RYR2: variants seen among roughly 807,000 people sequenced by gnomAD.
The protein encoded by RYR2 is ryanodine receptor 2.
In RYR2, 227 loss-of-function variants were observed where a neutral mutation model predicts 601.1. That is an observed-to-expected ratio of 0.38 (90% CI 0.34 to 0.42). The LOEUF (loss-of-function observed/expected upper bound fraction) is 0.42, where lower values mean the gene tolerates loss of function less well. Among genes scored for constraint, RYR2 ranks in the 10% least tolerant of loss-of-function variants. The pLI, the probability that RYR2 is intolerant of heterozygous loss-of-function variation, is 1.00. For missense variants in RYR2, 4,646 were observed against 6,156.5 expected (o/e 0.75, Z 8.21); for synonymous variants, 2,223 against 2,175.1 (o/e 1.02, Z -0.61).
At chr1:237,604,199 G>C (rs1559098533) in intron 35 of RYR2, among the ~76,000 whole-genome samples, 1 of 152,116 alleles carries the variant, frequency 6.6e-6, no homozygotes, top group South Asian at 2.1e-4. Context: ...AAATGTAAAA[G>C]AACAGAAATT....
At chr1:237,465,425 A>G (rs1248502455) in intron 16 of RYR2, among the ~76,000 whole-genome samples, 1 of 152,110 alleles carries the variant, frequency 6.6e-6, no homozygotes. Flanking sequence ...GTGTGCTTTG[A>G]TATCAATGTC....
intron 19 of RYR2, among the ~76,000 whole-genome samples, chr1:237,495,345 A>G (rs1396896922): frequency 1.3e-5 from 2 of 152,164 alleles, no homozygotes; most frequent in African/African-American, 4.8e-5. Context: ...CTGTACTTCC[A>G]ACCACACTGT....
chr1:237,749,434 T>TATA (rs1401753419), intron 80 of RYR2, among the ~76,000 whole-genome samples: 1 of 29,864 alleles, frequency 3.3e-5, no homozygotes, highest in Non-Finnish European at 1.5e-4. Context: ...AAATATTTGC[T>TATA]ATTATTATTA....
In RYR2 at chr1:237,350,602, AATATAT is replaced by A. The variant is rs1177777241; in HGVS notation, c.274-5336_274-5331del. Among the ~76,000 whole-genome samples, 26 of 37,006 alleles carry A rather than the reference AATATAT, an allele frequency of 7.0e-4. 1 individual carries two copies. The highest frequency in any genetic ancestry group is 1.6e-3 in the African/African-American group (16 of 9,720). 24.3% of individuals were successfully genotyped at this position (37,006 alleles called of 152,430 possible). ...AAAAAAAAAAAAAAAAAAAAAAAAA[AATATAT>A]ATATATATATATATATATATATATA... On this transcript the variant is annotated intron_variant, in intron 3 of 104. Transcript: ENST00000366574.
At chr1:237,077,459 A>T (rs1370064335) in intron 1 of RYR2, among the ~76,000 whole-genome samples, 7 of 134,576 alleles carry the variant, frequency 5.2e-5, no homozygotes, top group African/African-American at 1.8e-4. Context: ...AAACAAAAAA[A>T]GGCAGGGGTT....
chr1:237,067,967 T>C (rs1213873470), intron 1 of RYR2, among the ~76,000 whole-genome samples: 3 of 152,048 alleles, frequency 2.0e-5, no homozygotes, highest in Non-Finnish European at 4.4e-5. Context: ...GTATAATTAA[T>C]CATGCCCTAC....
At position 237,614,540 on chromosome 1, in the gene RYR2, T is replaced by A; in HGVS notation, c.5412T>A (p.Leu1804=). ...MLTEAVKEGS[L]HARDPVGGTT... is the part of the protein sequence containing the mutation. ...CAGAAGCTGTTAAAGAGGGCAGTCT[T>A]CATGCCCGGGACCCAGTTGGAGGGA... is the stretch of plus-strand genomic sequence containing the variant. Residue 1804 remains leucine (L), a synonymous_variant, in exon 37 of 105, where the codon CTT becomes CTA. Coordinates refer to ENST00000366574, the MANE Select transcript of RYR2 (RefSeq NM_001035.3). The surrounding 1 kb of genome is among the most constrained non-coding windows in gnomAD (Gnocchi z 4.3). 1.2e-6 allele frequency: 2 copies of A among 1,614,052 alleles called. No individual in the cohort carries two copies. The highest frequency in any genetic ancestry group is 1.7e-6 in the Non-Finnish European group (2 of 1,179,902).
intron 2 of RYR2, among the ~76,000 whole-genome samples, chr1:237,273,903 TAAC>T (rs199557722): frequency 1.6e-4 from 23 of 147,142 alleles, no homozygotes; most frequent in East Asian, 1.6e-3. Flanking sequence ...ATAATAAACA[TAAC>T]AAAACATACA....
intron 1 of RYR2, among the ~76,000 whole-genome samples, chr1:237,154,176 T>G (rs1190344862): frequency 6.6e-6 from 1 of 152,204 alleles, no homozygotes. Context: ...AGTTATGTAG[T>G]TTTTATGCAA....
chr1:237,677,926 C>CT, intron 60 of RYR2, 122 bp from the exon 61 acceptor site: 1 of 648,846 alleles, frequency 1.5e-6, no homozygotes, highest in Non-Finnish European at 2.7e-6. Context: ...TTTTGGTTGG[C>CT]TTTTTACATT....
chr1:237,379,731 G>A (rs1701296265), intron 8 of RYR2, among the ~76,000 whole-genome samples: 1 of 152,050 alleles, frequency 6.6e-6, no homozygotes, highest in Non-Finnish European at 1.5e-5. Context: ...ATTCTCCCCA[G>A]TCAGCCTCCC....
chr1:237,687,544 T>C lies in RYR2; in HGVS notation c.9067+40T>C, dbSNP rs764634627. On this transcript the variant is annotated intron_variant, in intron 63 of 104. Coordinates refer to ENST00000366574, the MANE Select transcript of RYR2 (RefSeq NM_001035.3). ...GAAAAAATACAAGCATGGCCATCACTTGGTTTTCTTTGCCATTTTTGCACT... is the reference window on the plus strand; with the variant it reads ...GAAAAAATACAAGCATGGCCATCACCTGGTTTTCTTTGCCATTTTTGCACT... The C allele has an allele frequency of 5.3e-6, 8 of 1,497,078 alleles. No homozygotes were observed. In the East Asian group the frequency reaches 1.8e-4, roughly 34 times the overall value. 92.7% of individuals were successfully genotyped at this position (1,497,078 alleles called of 1,614,324 possible).
chr1:237,398,844 G>T (rs965345654), intron 10 of RYR2, among the ~76,000 whole-genome samples: 1 of 152,170 alleles, frequency 6.6e-6, no homozygotes, highest in Non-Finnish European at 1.5e-5. Context: ...ATCAGCTGTG[G>T]TATGTCCATA....
chr1:237,637,219 G>A (rs1680968638), intron 44 of RYR2, among the ~76,000 whole-genome samples: 1 of 152,114 alleles, frequency 6.6e-6, no homozygotes, highest in Non-Finnish European at 1.5e-5. Context: ...AACATTTTTA[G>A]CTATATTATT....
chr1:237,315,459 T>G (rs921170886), intron 2 of RYR2, among the ~76,000 whole-genome samples: 8 of 152,158 alleles, frequency 5.3e-5, no homozygotes, highest in Non-Finnish European at 8.8e-5. Context: ...TAATTCAGTT[T>G]AAAAGTATTT....
chr1:237,469,088 G>C lies in RYR2; in HGVS notation c.1613-4G>C, dbSNP rs1553462847. On this transcript the variant is annotated splice_polypyrimidine_tract_variant and splice_region_variant and intron_variant, in intron 16 of 104. Coordinates refer to ENST00000366574, the MANE Select transcript of RYR2 (RefSeq NM_001035.3). The stretch of plus-strand genomic sequence containing the variant: ...AAAGGTGAAATCTATTTCTTCTTTT[G>C]CAGCGGCTCTAATTAGAGGAAATCG... 1.2e-6 allele frequency: 2 copies of C among 1,611,408 alleles called. No individual in the cohort carries two copies. Among genetic ancestry groups the C allele is most frequent in the South Asian group, 2.2e-5 (2 of 90,978 alleles).
intron 92 of RYR2, among the ~76,000 whole-genome samples, chr1:237,789,338 TTATG>T (rs1214985624): frequency 6.6e-6 from 1 of 152,192 alleles, no homozygotes; most frequent in Non-Finnish European, 1.5e-5. Context: ...TTAAACATGG[TTATG>T]TATTATATAT....
intron 2 of RYR2, among the ~76,000 whole-genome samples, chr1:237,307,061 A>G (rs2149474144): frequency 6.6e-6 from 1 of 152,296 alleles, no homozygotes; most frequent in African/African-American, 2.4e-5. Context: ...TCTCCATTAT[A>G]TGTCCTCTGT....
At chr1:237,752,067 C>T (rs1166683354) in intron 80 of RYR2, among the ~76,000 whole-genome samples, 1 of 152,110 alleles carries the variant, frequency 6.6e-6, no homozygotes, top group Non-Finnish European at 1.5e-5. Context: ...TTTATTCATG[C>T]AAATTTTCTT....
Sources: gnomAD v4.1 joint callset for allele counts (sites outside exome capture counted in the v4.1 genomes callset) on GRCh38, gnomAD v4.1.1 for gene constraint, Gnocchi (gnomAD v3.1) non-coding constraint, MANE v1.5 for transcripts, NCBI Gene and HGNC (gene_info 2026-07-23, HGNC 2026-07-21) for gene names.